The following AFF3 variants were observed in gnomAD, a reference collection of about 807,000 sequenced individuals.
The protein encoded by AFF3 is AF4/FMR2 family member 3.
In AFF3, 32 loss-of-function variants were observed where a neutral mutation model predicts 129.7. The ratio of observed to expected loss-of-function variants is 0.25; its 90% CI spans 0.19 to 0.33. The LOEUF (loss-of-function observed/expected upper bound fraction) is 0.33, where lower values mean the gene tolerates loss of function less well. AFF3 is among the 10% of genes least tolerant of loss of function. The pLI, the probability that AFF3 is intolerant of heterozygous loss-of-function variation, is 1.00. For synonymous variants in AFF3, 644 were observed against 635.4 expected, an observed-to-expected ratio of 1.01 and a Z score of -0.20; for missense variants, 1,373 against 1,592.0, an observed-to-expected ratio of 0.86 and a Z score of 2.34.
intron 7 of AFF3, among the ~76,000 whole-genome samples, chr2:99,897,879 A>G (rs982895887): frequency 4.6e-5 from 7 of 152,252 alleles, no homozygotes; most frequent in Non-Finnish European, 8.8e-5. Context: ...AATTTTATGC[A>G]CTTAAGAGCC....
At chr2:99,577,031 AG>A (rs935549635) in intron 18 of AFF3, among the ~76,000 whole-genome samples, 1 of 152,098 alleles carries the variant, frequency 6.6e-6, no homozygotes, top group African/African-American at 2.4e-5. Context: ...CTGCCACCAC[AG>A]GAAGAGAAGA....
intron 11 of AFF3, among the ~76,000 whole-genome samples, chr2:99,690,790 C>CA (rs1237267111): frequency 4.4e-5 from 6 of 135,786 alleles, no homozygotes; most frequent in African/African-American, 2.7e-5. Flanking sequence ...TTTTTTTTTT[C>CA]AAAAAAAGAA....
At chr2:100,141,071 A>G (rs1244780035) in intron 1 of AFF3, among the ~76,000 whole-genome samples, 1 of 152,176 alleles carries the variant, frequency 6.6e-6, no homozygotes, top group African/African-American at 2.4e-5. Flanking sequence ...AGCACTTTAC[A>G]TGTATTAGCT....
intron 8 of AFF3, among the ~76,000 whole-genome samples, chr2:99,794,076 CT>C: frequency 6.6e-6 from 1 of 152,274 alleles, no homozygotes; most frequent in Middle Eastern, 3.4e-3. Context: ...CCAGATATCT[CT>C]TTTATTTCTA....
At chr2:100,133,756 A>C (rs7575877) in intron 1 of AFF3, among the ~76,000 whole-genome samples, 88,210 of 151,826 alleles carry the variant, frequency 0.58, 26,832 homozygotes, top group African/African-American at 0.76. Flanking sequence ...CACGGTGAAA[A>C]CCTGTCTCTA....
Position 99,840,496 on chromosome 2 carries a change from A to G in AFF3, c.874-2972T>C, listed in dbSNP as rs1261070904. 2.0e-5 allele frequency among the ~76,000 whole-genome samples: 3 copies of G among 152,246 alleles called. No individual in the cohort carries two copies. In the East Asian group the frequency reaches 5.8e-4, roughly 29 times the overall value. On this transcript the variant is annotated intron_variant, in intron 7 of 24. Transcript: ENST00000672756. ...CCACTGCTACTAGTAGTGCATGAAG[A>G]CAACATGCACTACTTGGCTTATCCT...
At chr2:99,724,271 C>CTTTTTTTTTTTTCTTTTTTTTTTT (rs1679167255) in intron 11 of AFF3, among the ~76,000 whole-genome samples, 1 of 66,862 alleles carries the variant, frequency 1.5e-5, no homozygotes, top group Admixed American at 2.5e-4. Flanking sequence ...AATGACCTTT[C>CTTTTTTTTTTTTCTTTTTTTTTTT]TTTTTTTTTT....
chr2:99,554,293 C>T lies in AFF3; in HGVS notation c.3559+18G>A, dbSNP rs201891781. 2.1e-5 allele frequency: 34 copies of T among 1,613,954 alleles called. 1 individual carries two copies. The highest frequency in any genetic ancestry group is 1.2e-4 in the South Asian group (11 of 91,050). On this transcript the variant is annotated intron_variant, in intron 24 of 24. Coordinates refer to ENST00000672756, the MANE Select transcript of AFF3 (RefSeq NM_001386135.1). ...CGGGAGGCGGAAGCCCCTGGTTCCC[C>T]GTGGGGTGTGCGCTCACCTCGGTTT...
intron 8 of AFF3, among the ~76,000 whole-genome samples, chr2:99,827,061 A>G (rs1047549179): frequency 6.6e-6 from 1 of 152,160 alleles, no homozygotes; most frequent in Non-Finnish European, 1.5e-5. Context: ...AGATAATCCA[A>G]GCTGCAGGAA....
intron 8 of AFF3, 78 bp from the exon 9 acceptor site, chr2:99,752,379 A>G: frequency 1.6e-6 from 2 of 1,254,120 alleles, no homozygotes; most frequent in Non-Finnish European, 2.3e-6. Context: ...GCAGCTGTAC[A>G]AGTGGGCCTT....
intron 1 of AFF3, among the ~76,000 whole-genome samples, chr2:100,133,175 A>G (rs966289109): frequency 6.6e-6 from 1 of 151,506 alleles, no homozygotes; most frequent in African/African-American, 2.4e-5. Context: ...TTGAGGTGGG[A>G]GGATCACTTG....
chr2:99,786,598 A>G (rs1159418270), intron 8 of AFF3, among the ~76,000 whole-genome samples: 2 of 152,200 alleles, frequency 1.3e-5, no homozygotes, highest in Non-Finnish European at 2.9e-5. Flanking sequence ...CTGCCCAGAA[A>G]TCAGGGGTGT....
At chr2:100,055,435 C>T (rs1686682956) in intron 4 of AFF3, among the ~76,000 whole-genome samples, 1 of 145,858 alleles carries the variant, frequency 6.9e-6, no homozygotes, top group South Asian at 2.2e-4. Context: ...CCAGCTCTGA[C>T]TTCACATTAC....
intron 7 of AFF3, among the ~76,000 whole-genome samples, chr2:99,861,308 A>T (rs1392752560): frequency 6.6e-6 from 1 of 152,222 alleles, no homozygotes; most frequent in Non-Finnish European, 1.5e-5. Flanking sequence ...GCAAACTTAC[A>T]TGTAGGCTCT....
intron 7 of AFF3, among the ~76,000 whole-genome samples, chr2:99,896,021 A>T (rs563828226): frequency 6.8e-6 from 1 of 146,440 alleles, no homozygotes; most frequent in East Asian, 2.1e-4. Context: ...GTGAGGCGAG[A>T]TCGCACCACT....
At chr2:99,712,936 A>C (rs1277800434) in intron 11 of AFF3, among the ~76,000 whole-genome samples, 1 of 152,254 alleles carries the variant, frequency 6.6e-6, no homozygotes, top group East Asian at 1.9e-4. Context: ...CACATGCTGC[A>C]ACATGGATGA....
chr2:100,036,971 C>T (rs993376022), intron 4 of AFF3, among the ~76,000 whole-genome samples: 3 of 152,064 alleles, frequency 2.0e-5, no homozygotes, highest in African/African-American at 4.8e-5. Flanking sequence ...AGGTCTCATG[C>T]GCTCCTGGTG....
intron 4 of AFF3, among the ~76,000 whole-genome samples, chr2:100,079,702 T>A (rs975853165): frequency 6.6e-6 from 1 of 152,120 alleles, no homozygotes; most frequent in African/African-American, 2.4e-5. Flanking sequence ...CAGACATAAT[T>A]TAAATTTGTC....
At chr2:100,020,120 C>T (rs532957255) in intron 4 of AFF3, among the ~76,000 whole-genome samples, 1 of 152,234 alleles carries the variant, frequency 6.6e-6, no homozygotes, top group Admixed American at 6.5e-5. Flanking sequence ...CCTAAACATG[C>T]AATCTGGTTC....
Sources: gnomAD v4.1 joint callset for allele counts (sites outside exome capture counted in the v4.1 genomes callset) on GRCh38, gnomAD v4.1.1 for gene constraint, MANE v1.5 for transcripts, NCBI Gene and HGNC (gene_info 2026-07-23, HGNC 2026-07-21) for gene names.